Variants in R3HCC1L observed in about 807,000 individuals in gnomAD.
R3HCC1L encodes R3H domain and coiled-coil containing 1 like.
A neutral mutation model predicts 59.9 loss-of-function variants in R3HCC1L; 51 were observed. That is an observed-to-expected ratio of 0.85 (90% CI 0.68 to 1.07). R3HCC1L has a LOEUF of 1.07. R3HCC1L is among the 50% of genes least tolerant of loss of function. The pLI is 0.00. For missense variants in R3HCC1L, 965 were observed against 933.0 expected, an observed-to-expected ratio of 1.03 and a Z score of -0.45; for synonymous variants, 322 against 315.2, an observed-to-expected ratio of 1.02 and a Z score of -0.23.
chr10:98,141,239 T>C (rs761483433), intron 1 of R3HCC1L, among the ~76,000 whole-genome samples: 21 of 152,366 alleles, frequency 1.4e-4, no homozygotes, highest in Non-Finnish European at 2.1e-4. Flanking sequence ...CTATATGTTA[T>C]TCATCTTTGT....
chr10:98,229,347 G>A (rs1443146479), intron 5 of R3HCC1L, among the ~76,000 whole-genome samples: 9 of 151,100 alleles, frequency 6.0e-5, no homozygotes, highest in Non-Finnish European at 1.0e-4. Flanking sequence ...CTTTGAAGCA[G>A]TTGTGAATGG....
intron 4 of R3HCC1L, among the ~76,000 whole-genome samples, chr10:98,188,340 G>A (rs574489693): frequency 7.0e-4 from 106 of 152,180 alleles, no homozygotes; most frequent in Middle Eastern, 6.8e-3. Context: ...TACCCAGCCC[G>A]CATTTACTCA....
Position 98,231,526 on chromosome 10 carries a change from C to G in R3HCC1L, c.1800C>G (p.Thr600=). Residue 600 remains threonine (T), a synonymous_variant, in exon 6 of 10, where the codon ACC becomes ACG. Transcript: ENST00000298999. ...TTCCTTTCTAGTTATCAGGGAATAC[C>G]AAGAGCAGAGAGAGCATCCAGGAAC... The part of the protein sequence containing the change: ...PRLLQELSGN[T]KSRESIQEPR... 3 of 1,611,542 alleles carry G rather than the reference C, an allele frequency of 1.9e-6. No homozygotes were observed. The highest frequency in any genetic ancestry group is 2.5e-6 in the Non-Finnish European group (3 of 1,179,270).
chr10:98,183,802 A>G (rs1056009394), intron 4 of R3HCC1L, among the ~76,000 whole-genome samples: 1 of 152,070 alleles, frequency 6.6e-6, no homozygotes, highest in African/African-American at 2.4e-5. Flanking sequence ...TACCGTTTCC[A>G]TCCCTCTGCT....
At chr10:98,181,856 C>T (rs772818011) in intron 4 of R3HCC1L, among the ~76,000 whole-genome samples, 2 of 152,186 alleles carry the variant, frequency 1.3e-5, no homozygotes, top group Non-Finnish European at 2.9e-5. Flanking sequence ...TGGTTTTCAG[C>T]TCCATCAGGT....
At chr10:98,175,598 T>C (rs1337678167) in intron 4 of R3HCC1L, among the ~76,000 whole-genome samples, 1 of 152,198 alleles carries the variant, frequency 6.6e-6, no homozygotes, top group East Asian at 1.9e-4. Context: ...GAGCATCTTT[T>C]TTGCCATCCT....
chr10:98,243,306 T>C (rs1269269371), intron 9 of R3HCC1L, among the ~76,000 whole-genome samples: 1 of 152,200 alleles, frequency 6.6e-6, no homozygotes, highest in African/African-American at 2.4e-5. Flanking sequence ...TGTAGGCTTA[T>C]CCCCATTTTA....
At chr10:98,157,279 C>T (rs558222063) in intron 2 of R3HCC1L, among the ~76,000 whole-genome samples, 2 of 152,238 alleles carry the variant, frequency 1.3e-5, no homozygotes, top group African/African-American at 4.8e-5. Context: ...GGGTACCTTT[C>T]AGTATAGAAC....
chr10:98,186,623 C>A, intron 4 of R3HCC1L: 1 of 602,004 alleles, frequency 1.7e-6, no homozygotes, highest in Non-Finnish European at 2.1e-6. Context: ...GCTGTGGGTG[C>A]CAATAATGTT....
intron 1 of R3HCC1L, among the ~76,000 whole-genome samples, chr10:98,146,307 C>T (rs180671408): frequency 1.3e-4 from 20 of 152,122 alleles, no homozygotes; most frequent in African/African-American, 3.4e-4. Flanking sequence ...TAGGGATATC[C>T]GTCACCTTAC....
In R3HCC1L at chr10:98,163,288, T is replaced by G. The variant is rs1938472538; in HGVS notation, c.-119-5T>G. The G allele has an allele frequency of 1.7e-6, 1 of 579,424 alleles. No individual in the cohort carries two copies. Among genetic ancestry groups the G allele is most frequent in the Admixed American group, 3.8e-5 (1 of 26,424 alleles). The allele number at this position is 579,424 out of a possible 1,614,324, so 35.9% of individuals were successfully genotyped here. A position where few individuals can be genotyped will look rare whatever the true frequency, so the allele number is the denominator to read the frequency against. On this transcript the variant is annotated splice_polypyrimidine_tract_variant and splice_region_variant and intron_variant, in intron 3 of 9. Transcript: ENST00000298999. ...TAAAAATAACTTATTATTACTATTT[T>G]TCAGGTGAGGCTGCTGTCAGAAAGG...
chr10:98,225,729 AG>A (rs1285847008), intron 5 of R3HCC1L, among the ~76,000 whole-genome samples: 1 of 152,238 alleles, frequency 6.6e-6, no homozygotes, highest in African/African-American at 2.4e-5. Context: ...GATGTTTAAT[AG>A]GTACCTCGGA....
In R3HCC1L at chr10:98,239,093, C is replaced by T. The variant is rs535770089; in HGVS notation, c.2269+2929C>T. ...CTGTGCCCCCTGGTTTCCAGCAAAG[C>T]GAAAGTACTCCTCAGCCTACCTAAT... On this transcript the variant is annotated intron_variant, in intron 9 of 9. Coordinates refer to ENST00000298999, the MANE Select transcript of R3HCC1L (RefSeq NM_001351015.2). 3.3e-5 allele frequency among the ~76,000 whole-genome samples: 5 copies of T among 152,190 alleles called. 1 individual carries two copies. Among genetic ancestry groups the T allele is most frequent in the South Asian group, 4.1e-4 (2 of 4,822 alleles).
At chr10:98,176,851 T>C (rs1293357818) in intron 4 of R3HCC1L, among the ~76,000 whole-genome samples, 1 of 145,170 alleles carries the variant, frequency 6.9e-6, no homozygotes, top group Non-Finnish European at 1.5e-5. Context: ...TTGCTCTGCT[T>C]TTTTTTTGTA....
chr10:98,209,139 AG>A lies in R3HCC1L; in HGVS notation c.1026del (p.Glu342AspfsTer4). On this transcript the variant is annotated frameshift_variant, in exon 5 of 10. Transcript: ENST00000298999. LOFTEE classifies it high-confidence loss of function. Reference sequence around the variant, plus strand: ...GAGAAGAATGACAGCACTGCTGATGAGTTACATGTAAAGCACGAACCTCCTG... The same window carrying A: ...GAGAAGAATGACAGCACTGCTGATGATTACATGTAAAGCACGAACCTCCTG... ...ECEKNDSTAD[E>X]LHVKHEPPDT... 6.2e-7 allele frequency: 1 copy of A among 1,614,030 alleles called. No homozygotes were observed. The highest frequency in any genetic ancestry group is 8.5e-7 in the Non-Finnish European group (1 of 1,180,008).
intron 4 of R3HCC1L, among the ~76,000 whole-genome samples, chr10:98,194,937 A>G (rs1345944398): frequency 2.6e-5 from 4 of 152,156 alleles, no homozygotes; most frequent in East Asian, 1.9e-4. Flanking sequence ...AAATAGAACT[A>G]TCATATAAGC....
intron 5 of R3HCC1L, chr10:98,211,387 A>G (rs993302145): frequency 1.3e-5 from 20 of 1,504,082 alleles, no homozygotes; most frequent in Non-Finnish European, 1.8e-5. Flanking sequence ...TGAGTAGGGA[A>G]CTGCAAATGA....
chr10:98,225,704 CAG>C (rs1363738320), intron 5 of R3HCC1L, among the ~76,000 whole-genome samples: 3 of 152,152 alleles, frequency 2.0e-5, no homozygotes, highest in Non-Finnish European at 4.4e-5. Flanking sequence ...TGTTTTTAAT[CAG>C]TGTCAGAAGC....
intron 6 of R3HCC1L, among the ~76,000 whole-genome samples, chr10:98,232,813 A>G (rs968027121): frequency 6.6e-6 from 1 of 152,238 alleles, no homozygotes; most frequent in Admixed American, 6.5e-5. Context: ...TACATAAATG[A>G]GCATGGCTGT....
Sources: gnomAD v4.1 joint callset for allele counts (sites outside exome capture counted in the v4.1 genomes callset) on GRCh38, gnomAD v4.1.1 for gene constraint, MANE v1.5 for transcripts, NCBI Gene and HGNC (gene_info 2026-07-23, HGNC 2026-07-21) for gene names.